Variants in SGIP1 observed in about 807,000 individuals in gnomAD.
The protein encoded by SGIP1 is SH3GL interacting endocytic adaptor 1.
Under a neutral mutation model 107.5 loss-of-function variants are expected in SGIP1, and 38 were observed. The observed-to-expected ratio is 0.35, with a 90% CI of 0.27 to 0.46. The LOEUF (loss-of-function observed/expected upper bound fraction) is 0.46. Ranked by LOEUF, SGIP1 falls within the 20% of genes least tolerant of loss-of-function variation. The pLI is 1.00. For missense variants in SGIP1, 929 were observed against 1,019.5 expected, an observed-to-expected ratio of 0.91 and a Z score of 1.21; for synonymous variants, 365 against 366.1, an observed-to-expected ratio of 1.00 and a Z score of 0.03.
At chr1:66,534,062 A>C (rs1218791806), upstream of SGIP1, 1 of 508,984 alleles carries the variant, frequency 2.0e-6, no homozygotes, top group Non-Finnish European at 3.5e-6. Flanking sequence ...GCTGGCTACC[A>C]TGTGACGCGG....
intron 1 of SGIP1, among the ~76,000 whole-genome samples, chr1:66,573,317 A>G (rs2060627247): frequency 6.6e-6 from 1 of 152,140 alleles, no homozygotes; most frequent in Non-Finnish European, 1.5e-5. Flanking sequence ...TGTTTGTGGG[A>G]GTGTAAATTA....
At chr1:66,722,810 C>T (rs2150485564) in intron 19 of SGIP1, among the ~76,000 whole-genome samples, 1 of 152,264 alleles carries the variant, frequency 6.6e-6, no homozygotes, top group Middle Eastern at 3.4e-3. Flanking sequence ...TACACTATGA[C>T]AGGCGTGTAG....
intron 20 of SGIP1, among the ~76,000 whole-genome samples, chr1:66,732,931 C>T (rs1042091676): frequency 6.6e-6 from 1 of 152,132 alleles, no homozygotes. Context: ...GTAACTGAAT[C>T]ACTTGTGGCC....
chr1:66,674,312 C>A (rs2084644777), intron 12 of SGIP1, among the ~76,000 whole-genome samples: 3 of 152,064 alleles, frequency 2.0e-5, no homozygotes, highest in Admixed American at 1.3e-4. Context: ...GCTGTAAATA[C>A]CGTGTACTTT....
Position 66,695,478 on chromosome 1 carries a change from T to C in SGIP1, c.1615T>C (p.Tyr539His). ...SLVWFDRGKF[Y>H]LTFEGSSRGP... ...CGTTTGGTTTGACAGAGGAAAGTTT[T>C]ATTTGACTTTTGAAGGTAAGTAGTG... The change falls in exon 18 of 25, where the codon TAT becomes CAT. Residue 539 changes from tyrosine (Y) to histidine (H), a missense_variant. This residue lies in a region of SGIP1 where 341 missense variants were observed against 430.9 expected (regional missense o/e 0.79). Transcript: ENST00000371037. 1 of 1,614,116 alleles carries C rather than the reference T, an allele frequency of 6.2e-7. No homozygotes were observed. The highest frequency in any genetic ancestry group is 8.5e-7 in the Non-Finnish European group (1 of 1,179,988).
rs570657506 is a variant in SGIP1, at chr1:66,746,669, A to G, written c.*3574A>G. On this transcript the variant is annotated 3_prime_UTR_variant, in exon 25 of 25. Transcript: ENST00000371037. ...TCCTGTTTTACAAGTGATGACACTG[A>G]GGCTTAAATAGAATAATCTCCCCAA... The G allele has an allele frequency of 6.6e-6, 1 of 152,250 alleles. No individual in the cohort carries two copies. The highest frequency in any genetic ancestry group is 2.4e-5 in the African/African-American group (1 of 41,578). 9.4% of individuals were successfully genotyped at this position (152,250 alleles called of 1,614,324 possible). A position where few individuals can be genotyped will look rare whatever the true frequency, so the allele number is the denominator to read the frequency against.
intron 1 of SGIP1, among the ~76,000 whole-genome samples, chr1:66,548,583 T>G (rs1212128826): frequency 6.6e-6 from 1 of 152,160 alleles, no homozygotes; most frequent in African/African-American, 2.4e-5. Context: ...GCACTTCAAT[T>G]ATTTGATAGC....
chr1:66,728,722 A>T (rs1179515452), intron 19 of SGIP1, among the ~76,000 whole-genome samples: 1 of 152,180 alleles, frequency 6.6e-6, no homozygotes, highest in Non-Finnish European at 1.5e-5. Context: ...TCAATGATAG[A>T]CTAGATAAAG....
At chr1:66,536,097 A>C (rs1393016555) in intron 1 of SGIP1, among the ~76,000 whole-genome samples, 1 of 152,242 alleles carries the variant, frequency 6.6e-6, no homozygotes, top group Non-Finnish European at 1.5e-5. Context: ...CAAGAATGTC[A>C]GTTCAAAGCT....
chr1:66,578,302 G>T (rs1838652), intron 1 of SGIP1, among the ~76,000 whole-genome samples: 51,228 of 151,920 alleles, frequency 0.34, 9,278 homozygotes, highest in African/African-American at 0.48. Flanking sequence ...TTCCAAAGTG[G>T]GGCTAATGAG....
intron 1 of SGIP1, among the ~76,000 whole-genome samples, chr1:66,570,558 C>T (rs2060245738): frequency 6.6e-6 from 1 of 151,768 alleles, no homozygotes; most frequent in Non-Finnish European, 1.5e-5. Context: ...GTGTGATATC[C>T]AATAGTTTCC....
Position 66,719,398 on chromosome 1 carries a change from C to A in SGIP1, c.1735C>A (p.Pro579Thr). The change falls in exon 19 of 25, where the codon CCA becomes ACA. Residue 579 changes from proline (P) to threonine (T), a missense_variant. By Grantham distance (38) the Pro-to-Thr change is conservative. Coordinates refer to ENST00000371037, the MANE Select transcript of SGIP1 (RefSeq NM_032291.4). ...CAATGCCTATTTCAAAGGAGCAGAC[C>A]CAAGCAAGTAAGCCTGATACTTGGT... ...TVNAYFKGAD[P>T]SKCIVKITGE... 1 of 1,612,238 alleles carries A rather than the reference C, an allele frequency of 6.2e-7. No homozygotes were observed. The highest frequency in any genetic ancestry group is 8.5e-7 in the Non-Finnish European group (1 of 1,178,798).
chr1:66,646,119 G>A (rs1044306296), intron 7 of SGIP1, among the ~76,000 whole-genome samples: 4 of 152,120 alleles, frequency 2.6e-5, no homozygotes, highest in African/African-American at 9.7e-5. Flanking sequence ...GGGATTACAG[G>A]TGTGAGCCAC....
chr1:66,601,360 G>A (rs1018058557), intron 1 of SGIP1, among the ~76,000 whole-genome samples: 1 of 152,056 alleles, frequency 6.6e-6, no homozygotes, highest in East Asian at 1.9e-4. Context: ...GAGAGACTCC[G>A]TCCCAAACAC....
rs865814434 is a variant in SGIP1 at position 66,750,698 on chromosome 1, T to C, written c.*7603T>C. Among the ~76,000 whole-genome samples the C allele has an allele frequency of 1.5e-4, 23 of 152,358 alleles. No homozygotes were observed. Among genetic ancestry groups the C allele is most frequent in the Non-Finnish European group, 2.9e-4 (20 of 68,040 alleles). ...GAGTATACTTTTTTCTGACAGCCATTACTGCTTAGTCTGTAATGAAAGCTT... is the reference window on the plus strand; with the variant it reads ...GAGTATACTTTTTTCTGACAGCCATCACTGCTTAGTCTGTAATGAAAGCTT... On this transcript the variant is annotated 3_prime_UTR_variant, in exon 25 of 25. Transcript: ENST00000371037.
intron 1 of SGIP1, among the ~76,000 whole-genome samples, chr1:66,548,247 G>A (rs1350675583): frequency 2.6e-5 from 4 of 151,896 alleles, no homozygotes; most frequent in Non-Finnish European, 5.9e-5. Context: ...TTTTTTTGAG[G>A]AGGAGGAGGG....
At position 66,743,168 on chromosome 1, in the gene SGIP1, G is replaced by C; in HGVS notation, c.*73G>C. 2 of 1,562,638 alleles carry C rather than the reference G, an allele frequency of 1.3e-6. No homozygotes were observed. The highest frequency in any genetic ancestry group is 1.1e-5 in the South Asian group (1 of 88,188). The stretch of plus-strand genomic sequence containing the variant: ...TGTATGAGAAACAGATTTTAATTTT[G>C]GTTTGATGAAAACAAACCAATATCT... On this transcript the variant is annotated 3_prime_UTR_variant, in exon 25 of 25. Transcript: ENST00000371037.
intron 1 of SGIP1, among the ~76,000 whole-genome samples, chr1:66,616,865 T>C (rs1232593581): frequency 1.3e-5 from 2 of 152,162 alleles, no homozygotes; most frequent in Admixed American, 1.3e-4. Context: ...TCTAGAAATC[T>C]CAATTTTAGT....
At chr1:66,564,154 G>A (rs1263898012) in intron 1 of SGIP1, among the ~76,000 whole-genome samples, 1 of 152,144 alleles carries the variant, frequency 6.6e-6, no homozygotes, top group East Asian at 1.9e-4. Flanking sequence ...CTCTGAGACA[G>A]ATCTCTAAAG....
Sources: gnomAD v4.1 joint callset for allele counts (sites outside exome capture counted in the v4.1 genomes callset) on GRCh38, gnomAD v4.1.1 for gene constraint, gnomAD v4.1.1 regional missense constraint, MANE v1.5 for transcripts, NCBI Gene and HGNC (gene_info 2026-07-23, HGNC 2026-07-21) for gene names.